CSMD1: variants seen among roughly 807,000 people sequenced by gnomAD.
CSMD1 encodes the protein CUB and sushi domain-containing protein 1.
Under a neutral mutation model 417.5 loss-of-function variants are expected in CSMD1, and 213 were observed. The ratio of observed to expected loss-of-function variants is 0.51; its 90% CI spans 0.46 to 0.57. CSMD1 has a LOEUF of 0.57. Ranked by LOEUF, CSMD1 falls within the 20% of genes least tolerant of loss-of-function variation. CSMD1 has a pLI of 0.00. For synonymous variants in CSMD1, 2,862 were observed against 1,736.8 expected (o/e 1.65, Z -16.11); for missense variants, 6,923 against 4,529.7 (o/e 1.53, Z -15.17).
At chr8:4,750,754 GAA>G (rs199648820) in intron 1 of CSMD1, among the ~76,000 whole-genome samples, 3 of 136,994 alleles carry the variant, frequency 2.2e-5, no homozygotes, top group South Asian at 2.3e-4. Flanking sequence ...ACTTCCCAAG[GAA>G]AAAAAAAAAA....
At chr8:3,785,647 G>C (rs1037413470) in intron 5 of CSMD1, among the ~76,000 whole-genome samples, 4 of 152,176 alleles carry the variant, frequency 2.6e-5, no homozygotes, top group African/African-American at 4.8e-5. Flanking sequence ...GTTTATTGAA[G>C]GAAGAGTTGG....
intron 7 of CSMD1, among the ~76,000 whole-genome samples, chr8:3,657,877 T>C (rs1798210288): frequency 6.6e-6 from 1 of 152,170 alleles, no homozygotes; most frequent in Non-Finnish European, 1.5e-5. Context: ...ACAAAAATCC[T>C]CTTGAAACTT....
At chr8:3,362,548 C>T (rs1490377300) in intron 20 of CSMD1, among the ~76,000 whole-genome samples, 4 of 152,170 alleles carry the variant, frequency 2.6e-5, no homozygotes, top group Admixed American at 2.0e-4. Context: ...CTTCTGCTGC[C>T]CCATGTGTTG....
At chr8:4,458,611 C>A (rs1799626486) in intron 2 of CSMD1, among the ~76,000 whole-genome samples, 1 of 152,116 alleles carries the variant, frequency 6.6e-6, no homozygotes, top group Non-Finnish European at 1.5e-5. Context: ...AAAATCATCA[C>A]CCACACCTCA....
At chr8:4,414,005 C>T (rs906697234) in intron 3 of CSMD1, among the ~76,000 whole-genome samples, 1 of 152,146 alleles carries the variant, frequency 6.6e-6, no homozygotes, top group African/African-American at 2.4e-5. Flanking sequence ...AATGGAGAGC[C>T]AGCTGCTCTT....
intron 3 of CSMD1, among the ~76,000 whole-genome samples, chr8:4,244,188 A>C (rs913294379): frequency 1.3e-4 from 20 of 152,188 alleles, no homozygotes; most frequent in African/African-American, 4.6e-4. Flanking sequence ...AGAACCGTTT[A>C]GGCTTAGCTG....
At chr8:4,211,900 C>T (rs965493927) in intron 3 of CSMD1, among the ~76,000 whole-genome samples, 10 of 152,136 alleles carry the variant, frequency 6.6e-5, no homozygotes, top group South Asian at 2.1e-4. Flanking sequence ...AACATTCTTC[C>T]AACATCATCA....
chr8:4,438,016 G>A (rs1399060613), intron 2 of CSMD1, among the ~76,000 whole-genome samples: 1 of 152,074 alleles, frequency 6.6e-6, no homozygotes, highest in African/African-American at 2.4e-5. Context: ...GCATTTAAAA[G>A]GGGGCATGGA....
rs539320428 is a variant in CSMD1 at position 4,308,252 on chromosome 8, A to ATG, written c.415+111699_415+111700dup. 4.8e-3 allele frequency among the ~76,000 whole-genome samples: 729 copies of ATG among 151,320 alleles called. 4 individuals are homozygous for ATG. The highest frequency in any genetic ancestry group is 0.01 in the Middle Eastern group (3 of 294). ...TATGCAGTCATGTATAGTTTTTTTTATGTGTGTGTGTGTCTGTTGTGTATA... is the reference window on the plus strand; with the variant it reads ...TATGCAGTCATGTATAGTTTTTTTTATGTGTGTGTGTGTGTCTGTTGTGTATA... On this transcript the variant is annotated intron_variant, in intron 3 of 69. Coordinates refer to ENST00000635120, the MANE Select transcript of CSMD1 (RefSeq NM_033225.6).
intron 17 of CSMD1, among the ~76,000 whole-genome samples, chr8:3,394,012 TTATATATATATATATATATATA>T (rs1175905929): frequency 9.5e-5 from 3 of 31,632 alleles, no homozygotes; most frequent in East Asian, 1.6e-3. Context: ...AAAAAATAAA[TTATATATATATATATATATATA>T]TATATATATA....
chr8:4,785,436 T>A (rs1490484147), intron 1 of CSMD1, among the ~76,000 whole-genome samples: 2 of 152,062 alleles, frequency 1.3e-5, no homozygotes, highest in Admixed American at 1.3e-4. Flanking sequence ...GTGGGTTAGA[T>A]CACCATTAGC....
At chr8:3,607,473 T>A (rs1801675175) in intron 8 of CSMD1, among the ~76,000 whole-genome samples, 1 of 152,230 alleles carries the variant, frequency 6.6e-6, no homozygotes, top group African/African-American at 2.4e-5. Flanking sequence ...ATTCTCATTA[T>A]CAAGTATGTG....
chr8:3,042,459 T>A (rs1050955859), intron 50 of CSMD1, among the ~76,000 whole-genome samples: 1 of 152,204 alleles, frequency 6.6e-6, no homozygotes, highest in Non-Finnish European at 1.5e-5. Context: ...CACATGATGA[T>A]GATGCATTTA....
In CSMD1 at chr8:3,665,811, C is replaced by G. The variant is rs79979520; in HGVS notation, c.1009+42603G>C. On this transcript the variant is annotated intron_variant, in intron 7 of 69. Coordinates refer to ENST00000635120, the MANE Select transcript of CSMD1 (RefSeq NM_033225.6). ...TATTTCTTAGAGCACCCCTAGGAAT[C>G]TCTTGAATGATCAACCCAAGGCTTA... is the stretch of plus-strand genomic sequence containing the variant. 9.4e-3 allele frequency among the ~76,000 whole-genome samples: 1,436 copies of G among 152,284 alleles called. 6 individuals are homozygous for G. Among genetic ancestry groups the G allele is most frequent in the Middle Eastern group, 0.024 (7 of 294 alleles).
intron 5 of CSMD1, among the ~76,000 whole-genome samples, chr8:3,983,136 T>C (rs1370095600): frequency 1.1e-4 from 4 of 36,158 alleles, no homozygotes; most frequent in African/African-American, 4.3e-4. Context: ...TCTTTCTTTC[T>C]TTTTTTTTTT....
intron 8 of CSMD1, among the ~76,000 whole-genome samples, chr8:3,591,602 T>C (rs930342723): frequency 1.3e-5 from 2 of 152,206 alleles, no homozygotes; most frequent in Non-Finnish European, 2.9e-5. Flanking sequence ...ACTGACTGGC[T>C]AGGTAAGGAT....
At chr8:4,484,422 G>C (rs938372780) in intron 2 of CSMD1, among the ~76,000 whole-genome samples, 1 of 152,106 alleles carries the variant, frequency 6.6e-6, no homozygotes, top group African/African-American at 2.4e-5. Context: ...AGAAGACACA[G>C]AGAGGGATGG....
chr8:3,858,238 T>A (rs1002954243), intron 5 of CSMD1, among the ~76,000 whole-genome samples: 2 of 152,214 alleles, frequency 1.3e-5, no homozygotes, highest in Non-Finnish European at 2.9e-5. Context: ...TTATATAATA[T>A]TTTGCTTTGA....
At chr8:3,812,909 A>C (rs1425317342) in intron 5 of CSMD1, among the ~76,000 whole-genome samples, 1 of 152,124 alleles carries the variant, frequency 6.6e-6, no homozygotes, top group Non-Finnish European at 1.5e-5. Context: ...TGGCTGTGAT[A>C]ATGTGTTTTG....
Sources: gnomAD v4.1 joint callset for allele counts (sites outside exome capture counted in the v4.1 genomes callset) on GRCh38, gnomAD v4.1.1 for gene constraint, MANE v1.5 for transcripts, NCBI Gene and HGNC (gene_info 2026-07-23, HGNC 2026-07-21) for gene names.